The following SEC24C variants were observed in gnomAD, a reference collection of about 807,000 sequenced individuals.
SEC24C encodes the protein SEC24 homolog C, COPII component, also known as protein transport protein Sec24C.
In SEC24C, 22 loss-of-function variants were observed where a neutral mutation model predicts 117.0. The observed-to-expected ratio is 0.19, with a 90% CI of 0.13 to 0.27. SEC24C has a LOEUF of 0.27. Among genes scored for constraint, SEC24C ranks in the 10% least tolerant of loss-of-function variants. The pLI, the probability that SEC24C is intolerant of heterozygous loss-of-function variation, is 1.00. For missense variants in SEC24C, 1,155 were observed against 1,375.1 expected (o/e 0.84, Z 2.53); for synonymous variants, 506 against 529.4 (o/e 0.96, Z 0.61).
chr10:73,764,348 C>T (rs911436047), intron 8 of SEC24C, among the ~76,000 whole-genome samples: 1 of 152,010 alleles, frequency 6.6e-6, no homozygotes, highest in Non-Finnish European at 1.5e-5. Context: ...CACGGTGAAA[C>T]CCCGTCTCTA....
At chr10:73,752,868 G>A (rs187375260) in intron 3 of SEC24C, among the ~76,000 whole-genome samples, 1 of 152,168 alleles carries the variant, frequency 6.6e-6, no homozygotes, top group East Asian at 1.9e-4. Flanking sequence ...ACAAGCATAT[G>A]CCTTAGTAAA....
intron 2 of SEC24C, among the ~76,000 whole-genome samples, chr10:73,749,307 G>C (rs1347305316): frequency 6.6e-6 from 1 of 152,192 alleles, no homozygotes; most frequent in Non-Finnish European, 1.5e-5. Flanking sequence ...TTGTTGGACT[G>C]ATGATTCTTA....
intron 2 of SEC24C, among the ~76,000 whole-genome samples, chr10:73,748,644 C>T (rs2132519128): frequency 6.6e-6 from 1 of 152,142 alleles, no homozygotes; most frequent in South Asian, 2.1e-4. Flanking sequence ...ACCATGTTGG[C>T]CAGGCTGGTC....
At position 73,767,057 on chromosome 10, in the gene SEC24C, G is replaced by T; in HGVS notation, c.1897G>T (p.Ala633Ser). Residue 633 changes from alanine (A) to serine (S), a missense_variant, in exon 14 of 23, where the codon GCT (alanine) becomes TCT (serine). Transcript: ENST00000345254. ...GTAGTCCTCTCTTTTTTCCTAGGCT[G>T]CTGAGTGTGCAGGGAAGCTCTTTCT... is the stretch of plus-strand genomic sequence containing the variant. ...IQAGMEALKA[A>S]ECAGKLFLFH... is the part of the protein sequence containing the mutation. 6.2e-7 allele frequency: 1 copy of T among 1,609,866 alleles called. No homozygotes were observed.
At chr10:73,744,647 C>T (rs893438345) in intron 1 of SEC24C, among the ~76,000 whole-genome samples, 9 of 152,116 alleles carry the variant, frequency 5.9e-5, no homozygotes, top group African/African-American at 2.2e-4. Context: ...CTGCTTCCTG[C>T]CCCGAGCCTG....
chr10:73,768,292 C>T (rs1252512681), intron 15 of SEC24C, among the ~76,000 whole-genome samples: 1 of 152,036 alleles, frequency 6.6e-6, no homozygotes, highest in East Asian at 1.9e-4. Flanking sequence ...GCTAAGAATC[C>T]CTTGAACCCG....
Position 73,746,303 on chromosome 10 carries a change from G to A in SEC24C, c.-28-502G>A, listed in dbSNP as rs534874132. The stretch of plus-strand genomic sequence containing the variant: ...GTAACTCAGCCTAAATTTTGTCATT[G>A]AGGGGGAAGGATTTTAGCAGATCTG... On this transcript the variant is annotated intron_variant, in intron 1 of 22. Transcript: ENST00000345254. Among the ~76,000 whole-genome samples, 6 of 152,194 alleles carry A rather than the reference G, an allele frequency of 3.9e-5. No homozygotes were observed. In the East Asian group the frequency reaches 1.2e-3, roughly 29 times the overall value.
intron 6 of SEC24C, among the ~76,000 whole-genome samples, chr10:73,763,155 A>G (rs1348366306): frequency 6.6e-6 from 1 of 152,014 alleles, no homozygotes; most frequent in Non-Finnish European, 1.5e-5. Flanking sequence ...TCATGTTTGA[A>G]GGTTTGTGAT....
intron 3 of SEC24C, among the ~76,000 whole-genome samples, chr10:73,755,544 G>A (rs908818391): frequency 6.6e-6 from 1 of 152,004 alleles, no homozygotes; most frequent in Non-Finnish European, 1.5e-5. Context: ...GGGCGCGGTG[G>A]CAGGCTCCTA....
chr10:73,767,221 G>T (rs757135910), intron 14 of SEC24C, 51 bp downstream of exon 14: 1 of 1,214,522 alleles, frequency 8.2e-7, no homozygotes, highest in South Asian at 1.2e-5. Context: ...TACAGAGGAA[G>T]TGGGGACTCT....
intron 10 of SEC24C, 23 bp downstream of exon 10, chr10:73,765,938 G>A: frequency 1.2e-6 from 2 of 1,600,376 alleles, no homozygotes; most frequent in Non-Finnish European, 1.7e-6. Flanking sequence ...AGCATGGGAG[G>A]AGCAGTGAGT....
At chr10:73,763,724 C>T (rs1390597915) in intron 7 of SEC24C, 123 bp downstream of exon 7, 2 of 614,732 alleles carry the variant, frequency 3.3e-6, no homozygotes, top group Non-Finnish European at 5.1e-6. Flanking sequence ...GACAAGTTCC[C>T]TCTAGTCCCT....
At chr10:73,752,315 G>T (rs2082653228) in intron 3 of SEC24C, among the ~76,000 whole-genome samples, 2 of 152,048 alleles carry the variant, frequency 1.3e-5, no homozygotes, top group South Asian at 4.1e-4. Flanking sequence ...TAGAGATGGG[G>T]TTTCGCTGTG....
At chr10:73,749,527 C>T (rs971448353) in intron 2 of SEC24C, among the ~76,000 whole-genome samples, 1 of 151,370 alleles carries the variant, frequency 6.6e-6, no homozygotes, top group South Asian at 2.1e-4. Flanking sequence ...TTTAACCTTA[C>T]CTTTTCTTTT....
At chr10:73,750,524 G>T (rs147579613) in intron 2 of SEC24C, among the ~76,000 whole-genome samples, 1 of 152,208 alleles carries the variant, frequency 6.6e-6, no homozygotes, top group African/African-American at 2.4e-5. Context: ...GAACTGTTGG[G>T]CAGAAACAAG....
At position 73,767,042 on chromosome 10, in the gene SEC24C, C is replaced by T; in HGVS notation, c.1894-12C>T. 1 of 1,601,810 alleles carries T rather than the reference C, an allele frequency of 6.2e-7. No individual in the cohort carries two copies. Among genetic ancestry groups the T allele is most frequent in the Non-Finnish European group, 8.5e-7 (1 of 1,170,110 alleles). ...ATAAAGAATAAACAAGTAGTCCTCT[C>T]TTTTTTCCTAGGCTGCTGAGTGTGC... is the stretch of plus-strand genomic sequence containing the variant. On this transcript the variant is annotated splice_polypyrimidine_tract_variant and intron_variant, in intron 13 of 22. Transcript: ENST00000345254.
At chr10:73,765,422 T>A in intron 8 of SEC24C, 29 bp from the exon 9 acceptor site, 1 of 1,598,736 alleles carries the variant, frequency 6.3e-7, no homozygotes, top group Non-Finnish European at 8.6e-7. Flanking sequence ...TTTTCCTTTA[T>A]GTCTGATCCC....
intron 3 of SEC24C, among the ~76,000 whole-genome samples, chr10:73,758,266 A>C (rs2082742559): frequency 6.6e-6 from 1 of 152,124 alleles, no homozygotes; most frequent in Non-Finnish European, 1.5e-5. Flanking sequence ...AAAAGTAGAG[A>C]CAGAGTATAG....
chr10:73,747,441 C>T (rs1031989565), intron 2 of SEC24C, among the ~76,000 whole-genome samples: 2 of 152,034 alleles, frequency 1.3e-5, no homozygotes, highest in Non-Finnish European at 2.9e-5. Flanking sequence ...CAACCTCCAC[C>T]TTCCAGGTTC....
Sources: allele counts gnomAD v4.1 joint callset (sites outside exome capture counted in the v4.1 genomes callset), GRCh38; gene constraint gnomAD v4.1.1; transcripts MANE v1.5; gene names NCBI Gene and HGNC (gene_info 2026-07-23, HGNC 2026-07-21).